Variants in JAG2 observed in about 807,000 individuals in gnomAD.
JAG2 encodes protein jagged-2.
JAG2 carries 46 observed loss-of-function variants against 141.7 expected under a neutral mutation model. That is an observed-to-expected ratio of 0.32 (90% CI 0.26 to 0.42). The LOEUF (loss-of-function observed/expected upper bound fraction) is 0.42. Among genes scored for constraint, JAG2 ranks in the 10% least tolerant of loss-of-function variants. The pLI is 1.00. For synonymous variants in JAG2, 862 were observed against 763.5 expected (o/e 1.13, Z -2.13); for missense variants, 1,500 against 1,817.5 (o/e 0.83, Z 3.18).
chr14:105,144,822 C>G, intron 24 of JAG2, 108 bp downstream of exon 24: 1 of 1,430,570 alleles, frequency 7.0e-7, no homozygotes, highest in Non-Finnish European at 9.5e-7. Flanking sequence ...GCCCGCAGTC[C>G]TTCCGCACCA....
chr14:105,163,082 C>T (rs1003346190), intron 2 of JAG2, among the ~76,000 whole-genome samples: 1 of 152,214 alleles, frequency 6.6e-6, no homozygotes, highest in Non-Finnish European at 1.5e-5. Context: ...TGCTGCCCCA[C>T]CAACGCCCCG....
chr14:105,149,269 A>G lies in JAG2; in HGVS notation c.1654T>C (p.Tyr552His). ...PSPCRNGARC[Y>H]NLEGDYYCAC... ...CAGTAATAGTCACCCTCCAGGTTAT[A>G]GCAGCGAGCGCCGTTCCGGCAGGGG... The change falls in exon 13 of 26, where the codon TAT becomes CAT. Residue 552 changes from tyrosine (Y) to histidine (H), a missense_variant. Tyr to His is a moderately conservative substitution (Grantham distance 83). This residue lies in a region of JAG2 where 875 missense variants were observed against 1,202.2 expected (regional missense o/e 0.73). Coordinates refer to ENST00000331782, the MANE Select transcript of JAG2 (RefSeq NM_002226.5). 1 of 1,612,706 alleles carries G rather than the reference A, an allele frequency of 6.2e-7. No homozygotes were observed. Among genetic ancestry groups the G allele is most frequent in the Non-Finnish European group, 8.5e-7 (1 of 1,179,980 alleles).
chr14:105,147,869 C>T lies in JAG2; in HGVS notation c.2268G>A (p.Leu756=). Residue 756 remains leucine (L), a synonymous_variant, in exon 18 of 26, where the codon CTG becomes CTA. Transcript: ENST00000331782. ...TGCCACCATTCACACAGGGGTTGGG[C>T]AGGCAGCTGCTGTTCTTGGCTGTAA... The part of the protein sequence containing the change: ...TCAVAKNSSC[L]PNPCVNGGTC... The T allele has an allele frequency of 1.3e-6, 2 of 1,552,720 alleles. No individual in the cohort carries two copies. The highest frequency in any genetic ancestry group is 1.7e-6 in the Non-Finnish European group (2 of 1,149,686).
At chr14:105,148,264 C>T (rs113513457) in intron 16 of JAG2, 35 bp from the exon 17 acceptor site, 27 of 1,574,728 alleles carry the variant, frequency 1.7e-5, no homozygotes, top group African/African-American at 1.4e-4. Context: ...AGGCAGGCCC[C>T]AGACCGCCAG....
chr14:105,163,276 T>A (rs1888811980), intron 2 of JAG2, among the ~76,000 whole-genome samples: 1 of 151,872 alleles, frequency 6.6e-6, no homozygotes, highest in South Asian at 2.1e-4. Context: ...GCAAACACCA[T>A]CCCCAGGGCT....
rs1248872564 is a variant in JAG2 at position 105,154,049 on chromosome 14, T to C, written c.788+1513A>G. ...GTGGGCGGCCCCAGCCCTGCTTGCC[T>C]CCCCGCTCTGGGACTGGCCGGGAAA... is the stretch of plus-strand genomic sequence containing the variant. On this transcript the variant is annotated intron_variant, in intron 5 of 25. Coordinates refer to ENST00000331782, the MANE Select transcript of JAG2 (RefSeq NM_002226.5). The surrounding 1 kb of genome is among the most constrained non-coding windows in gnomAD (Gnocchi z 4.4). Among the ~76,000 whole-genome samples, 1 of 151,918 alleles carries C rather than the reference T, an allele frequency of 6.6e-6. No homozygotes were observed. The highest frequency in any genetic ancestry group is 6.5e-5 in the Admixed American group (1 of 15,268).
Position 105,142,619 on chromosome 14 carries a change from G to A in JAG2, c.*76C>T. ...ACAAAATAAAGAAACTATGCACATG[G>A]CCTCGGCCTCCGGGTCCGGCAGACG... On this transcript the variant is annotated 3_prime_UTR_variant, in exon 26 of 26. Coordinates refer to ENST00000331782, the MANE Select transcript of JAG2 (RefSeq NM_002226.5). 5 of 1,075,772 alleles carry A rather than the reference G, an allele frequency of 4.6e-6. No homozygotes were observed. Among genetic ancestry groups the A allele is most frequent in the Non-Finnish European group, 6.8e-6 (5 of 739,066 alleles). The allele number at this position is 1,075,772 out of a possible 1,614,324, so 66.6% of individuals were successfully genotyped here.
intron 22 of JAG2, 26 bp downstream of exon 22, chr14:105,146,359 C>A: frequency 6.3e-7 from 1 of 1,578,568 alleles, no homozygotes; most frequent in South Asian, 1.1e-5. Context: ...TCGGGTAGGG[C>A]AGGGCGGCTC....
chr14:105,165,743 C>T (rs1032775620), intron 2 of JAG2, among the ~76,000 whole-genome samples: 2 of 152,212 alleles, frequency 1.3e-5, no homozygotes, highest in African/African-American at 4.8e-5. Flanking sequence ...CCACAAGGCC[C>T]TCTCATTCCC....
At chr14:105,157,904 C>T in intron 2 of JAG2, 141 bp from the exon 3 acceptor site, 3 of 758,922 alleles carry the variant, frequency 4.0e-6, no homozygotes, top group African/African-American at 1.7e-5. Context: ...GACCCACCAC[C>T]CTCCTCATCC....
Position 105,146,379 on chromosome 14 carries a change from C to T in JAG2, c.2709+6G>A, listed in dbSNP as rs1166186426. 6.2e-7 allele frequency: 1 copy of T among 1,611,056 alleles called. No homozygotes were observed. Among genetic ancestry groups the T allele is most frequent in the Non-Finnish European group, 8.5e-7 (1 of 1,178,658 alleles). ...TAGGGCAGGGCGGCTCACGGGCTGC[C>T]CTCACCTTGCTGCAGTCACGGCGGC... On this transcript the variant is annotated splice_donor_region_variant and intron_variant, in intron 22 of 25. Coordinates refer to ENST00000331782, the MANE Select transcript of JAG2 (RefSeq NM_002226.5).
At chr14:105,156,265 G>T (rs1242352806) in intron 3 of JAG2, among the ~76,000 whole-genome samples, 2 of 152,186 alleles carry the variant, frequency 1.3e-5, no homozygotes, top group African/African-American at 4.8e-5. Flanking sequence ...TGCAGGGAGG[G>T]CTGCTGAGAC....
chr14:105,150,515 G>C, intron 12 of JAG2, 89 bp downstream of exon 12: 1 of 1,333,288 alleles, frequency 7.5e-7, no homozygotes, highest in Non-Finnish European at 1.0e-6. Context: ...CAGCACCCCT[G>C]GGTCACTCAG....
rs918726539 is a variant in JAG2 at position 105,154,614 on chromosome 14, C to T, written c.788+948G>A. ...GGCCCTTGCTGACTCCTCATCCATC[C>T]GCCCTGACCTGTGGCAGCCGGGACT... On this transcript the variant is annotated intron_variant, in intron 5 of 25. Transcript: ENST00000331782. The surrounding 1 kb of genome is among the most constrained non-coding windows in gnomAD (Gnocchi z 4.4). 1.3e-5 allele frequency among the ~76,000 whole-genome samples: 2 copies of T among 152,170 alleles called. No homozygotes were observed. Among genetic ancestry groups the T allele is most frequent in the Non-Finnish European group, 2.9e-5 (2 of 68,022 alleles).
chr14:105,153,386 GAC>G (rs1888492170), intron 5 of JAG2, among the ~76,000 whole-genome samples: 2 of 152,204 alleles, frequency 1.3e-5, no homozygotes, highest in South Asian at 4.1e-4. Context: ...CTCCTCCACA[GAC>G]ACAGAGACCC....
At position 105,154,362 on chromosome 14, in the gene JAG2, T is replaced by C. The variant is rs1382087756; in HGVS notation, c.788+1200A>G. ...CTGTCTCTCCACCCGCTCGCGCCCC[T>C]CTCTCGGGCTCCCCAGCTTGCTCAC... On this transcript the variant is annotated intron_variant, in intron 5 of 25. Transcript: ENST00000331782. This position sits in a 1 kb window ranked among gnomAD's most constrained non-coding sequence, Gnocchi z 4.4. 6.6e-6 allele frequency among the ~76,000 whole-genome samples: 1 copy of C among 151,974 alleles called. No homozygotes were observed. Among genetic ancestry groups the C allele is most frequent in the Non-Finnish European group, 1.5e-5 (1 of 67,984 alleles).
chr14:105,147,571 C>G (rs79965610), intron 18 of JAG2, 44 bp from the exon 19 acceptor site: 33 of 1,590,828 alleles, frequency 2.1e-5, no homozygotes, highest in South Asian at 9.9e-5. Context: ...ACCCACCCCC[C>G]AAGCGTGCCA....
At position 105,147,761 on chromosome 14, in the gene JAG2, C is replaced by A; in HGVS notation, c.2365+11G>T. On this transcript the variant is annotated intron_variant, in intron 18 of 25. Transcript: ENST00000331782. ...GAAAGCGGCCCCCGCCCACACCCCTCCCACACTCACTGTGAGTGCAAGTAC... is the reference window on the plus strand; with the variant it reads ...GAAAGCGGCCCCCGCCCACACCCCTACCACACTCACTGTGAGTGCAAGTAC... 1.3e-6 allele frequency: 2 copies of A among 1,524,756 alleles called. No homozygotes were observed. The highest frequency in any genetic ancestry group is 1.2e-5 in the South Asian group (1 of 83,506). 94.5% of individuals were successfully genotyped at this position (1,524,756 alleles called of 1,614,324 possible).
At chr14:105,151,560 G>A in intron 8 of JAG2, 66 bp downstream of exon 8, 1 of 1,410,574 alleles carries the variant, frequency 7.1e-7, no homozygotes, top group Admixed American at 1.9e-5. Flanking sequence ...TCCCCAGCGA[G>A]TTGCCCCACT....
Sources: gnomAD v4.1 joint callset for allele counts (sites outside exome capture counted in the v4.1 genomes callset) on GRCh38, gnomAD v4.1.1 for gene constraint, gnomAD v4.1.1 regional missense constraint, Gnocchi (gnomAD v3.1) non-coding constraint, MANE v1.5 for transcripts, NCBI Gene and HGNC (gene_info 2026-07-23, HGNC 2026-07-21) for gene names.